The following EVC2 variants were observed in gnomAD, a reference collection of about 807,000 sequenced individuals.
EVC2 encodes the protein EvC ciliary complex subunit 2, also known as limbin.
A neutral mutation model predicts 149.3 loss-of-function variants in EVC2; 148 were observed. The observed-to-expected ratio is 0.99, with a 90% CI of 0.87 to 1.14. EVC2 has a LOEUF of 1.14. EVC2 is among the 50% of genes most tolerant of loss of function. The pLI, the probability that EVC2 is intolerant of heterozygous loss-of-function variation, is 0.00. For missense variants in EVC2, 1,854 were observed against 1,627.3 expected (o/e 1.14, Z -2.40); for synonymous variants, 776 against 649.9 (o/e 1.19, Z -2.95).
intron 21 of EVC2, among the ~76,000 whole-genome samples, chr4:5,564,776 G>C (rs1043764968): frequency 2.0e-5 from 3 of 152,204 alleles, no homozygotes; most frequent in African/African-American, 7.2e-5. Flanking sequence ...AGGCATTGGG[G>C]TGAAGGTAAA....
the EVC2 span, among the ~76,000 whole-genome samples, chr4:5,535,285 C>T: frequency 6.6e-6 from 1 of 152,138 alleles, no homozygotes; most frequent in African/African-American, 2.4e-5. This position sits in a 1 kb window ranked among gnomAD's most constrained non-coding sequence, Gnocchi z 4.7. Flanking sequence ...CTGCCGTAAT[C>T]CACACCAGAA....
downstream of EVC2, among the ~76,000 whole-genome samples, chr4:5,558,053 T>A (rs1721870303): frequency 6.6e-6 from 1 of 152,176 alleles, no homozygotes; most frequent in African/African-American, 2.4e-5. Flanking sequence ...ATTTTTCAGA[T>A]ATTGACAAAC....
Position 5,694,399 on chromosome 4 carries a change from G to C in EVC2, c.386C>G (p.Ala129Gly). The change falls in exon 3 of 22, where the codon GCT becomes GGT. Residue 129 changes from alanine (A) to glycine (G), a missense_variant. Transcript: ENST00000344408. ...CTTCTTAGGCCAGGAGGGTATAAAAGCAAATAAGGAATGAGCCCATGGCCC... is the reference window on the plus strand; with the variant it reads ...CTTCTTAGGCCAGGAGGGTATAAAACCAAATAAGGAATGAGCCCATGGCCC... Reference protein sequence around the residue: ...SSGPWAHSLFAFIPSWPKKNL... With the variant: ...SSGPWAHSLFGFIPSWPKKNL... 6.2e-7 allele frequency: 1 copy of C among 1,614,140 alleles called. No individual in the cohort carries two copies. Among genetic ancestry groups the C allele is most frequent in the African/African-American group, 1.3e-5 (1 of 75,046 alleles).
intron 1 of EVC2, among the ~76,000 whole-genome samples, chr4:5,699,625 G>C (rs1721697002): frequency 6.8e-6 from 1 of 146,738 alleles, no homozygotes; most frequent in Non-Finnish European, 1.5e-5. Context: ...GGACAACATA[G>C]GGAGACTCCA....
intron 21 of EVC2, among the ~76,000 whole-genome samples, chr4:5,555,032 G>T (rs1201516912): frequency 6.7e-6 from 1 of 149,318 alleles, no homozygotes; most frequent in Non-Finnish European, 1.5e-5. Flanking sequence ...GTGTGTGTGT[G>T]TGTGTGTGTG....
chr4:5,628,054 G>A (rs998819428), intron 12 of EVC2, among the ~76,000 whole-genome samples: 1 of 152,092 alleles, frequency 6.6e-6, no homozygotes, highest in East Asian at 1.9e-4. Context: ...TTAAAATTCT[G>A]TAACACAAAG....
At chr4:5,623,347 A>T (rs999579898) in intron 13 of EVC2, among the ~76,000 whole-genome samples, 4 of 143,476 alleles carry the variant, frequency 2.8e-5, no homozygotes, top group African/African-American at 8.0e-5. Context: ...TATTTTTTTT[A>T]TTTTTTTTTT....
intron 7 of EVC2, among the ~76,000 whole-genome samples, chr4:5,667,682 G>T (rs527607029): frequency 6.6e-6 from 1 of 152,204 alleles, no homozygotes; most frequent in Non-Finnish European, 1.5e-5. Context: ...AGTCACAAAA[G>T]ATGTGCTTAA....
At chr4:5,563,295 C>T (rs1363855590) in intron 21 of EVC2, among the ~76,000 whole-genome samples, 180 bp from the exon 22 acceptor site, 2 of 152,174 alleles carry the variant, frequency 1.3e-5, no homozygotes, top group Non-Finnish European at 2.9e-5. Flanking sequence ...AAGCCTGTAA[C>T]AGTGGTGTGC....
In EVC2 at chr4:5,681,013, T is replaced by A. The variant is rs6836026; in HGVS notation, c.870+247A>T. Reference sequence around the variant, plus strand: ...TGACTGGACAGTAGCACAGACGGGCTGTGGAGCCTCAGCCTGTCCAGCCCA... The same window carrying A: ...TGACTGGACAGTAGCACAGACGGGCAGTGGAGCCTCAGCCTGTCCAGCCCA... On this transcript the variant is annotated intron_variant, in intron 7 of 21. Coordinates refer to ENST00000344408, the MANE Select transcript of EVC2 (RefSeq NM_147127.5). Among the ~76,000 whole-genome samples the A allele has an allele frequency of 0.37, 56,907 of 152,074 alleles. 11,397 individuals are homozygous for A. The highest frequency in any genetic ancestry group is 0.54 in the East Asian group (2,776 of 5,138).
intron 14 of EVC2, among the ~76,000 whole-genome samples, chr4:5,619,719 T>G (rs1420372879): frequency 2.0e-5 from 3 of 152,188 alleles, no homozygotes; most frequent in Non-Finnish European, 4.4e-5. Context: ...CCTCTTCCTT[T>G]CCAGCAAGGC....
chr4:5,650,630 TATATATATAGAGAGAG>T (rs1487122684), intron 9 of EVC2, among the ~76,000 whole-genome samples: 140 of 67,902 alleles, frequency 2.1e-3, no homozygotes, highest in African/African-American at 6.6e-3. Context: ...TATATATATA[TATATATATAGAGAGAG>T]AGAGAGAGAG....
At chr4:5,593,602 A>C (rs188954310) in intron 16 of EVC2, among the ~76,000 whole-genome samples, 53 of 152,328 alleles carry the variant, frequency 3.5e-4, no homozygotes, top group African/African-American at 1.1e-3. Context: ...AAGATGGCCG[A>C]ATAGGAACAG....
At chr4:5,667,094 G>A (rs923229829) in intron 7 of EVC2, among the ~76,000 whole-genome samples, 7 of 151,992 alleles carry the variant, frequency 4.6e-5, no homozygotes, top group African/African-American at 1.7e-4. Context: ...TTTTAAAGAA[G>A]ATATTTGAAT....
intron 16 of EVC2, among the ~76,000 whole-genome samples, chr4:5,606,481 A>C (rs1295351796): frequency 6.6e-6 from 1 of 152,212 alleles, no homozygotes; most frequent in Non-Finnish European, 1.5e-5. Context: ...AAGCCAACAG[A>C]GCTTAAAAGC....
At chr4:5,627,853 T>C (rs1396611157) in intron 12 of EVC2, among the ~76,000 whole-genome samples, 2 of 152,038 alleles carry the variant, frequency 1.3e-5, no homozygotes, top group Non-Finnish European at 2.9e-5. Flanking sequence ...TAAAGAGAAG[T>C]GGGCTCTTCC....
rs181930784 is a variant in EVC2 at position 5,596,312 on chromosome 4, G to C, written c.2830-11462C>G. On this transcript the variant is annotated intron_variant, in intron 16 of 21. Coordinates refer to ENST00000344408, the MANE Select transcript of EVC2 (RefSeq NM_147127.5). ...CACCTGTTCCAAAATTGACCACATAGTTGGAAGTAAAGCTCTCCTCAGCAA... is the reference window on the plus strand; with the variant it reads ...CACCTGTTCCAAAATTGACCACATACTTGGAAGTAAAGCTCTCCTCAGCAA... Among the ~76,000 whole-genome samples, 517 of 152,228 alleles carry C rather than the reference G, an allele frequency of 3.4e-3. 1 individual carries two copies. The highest frequency in any genetic ancestry group is 8.9e-3 in the African/African-American group (368 of 41,542).
intron 21 of EVC2, among the ~76,000 whole-genome samples, chr4:5,551,635 T>G (rs6839757): frequency 0.98 from 148,569 of 152,176 alleles, 72,586 homozygotes; most frequent in East Asian, 1. Flanking sequence ...TTGGGGGACT[T>G]TTGGGAAGGC....
At chr4:5,570,636 C>A (rs1722586566) in intron 19 of EVC2, among the ~76,000 whole-genome samples, 1 of 152,314 alleles carries the variant, frequency 6.6e-6, no homozygotes, top group East Asian at 1.9e-4. Flanking sequence ...CCAGCAGTCC[C>A]ACTGCTGGGT....
Sources: allele counts gnomAD v4.1 joint callset (sites outside exome capture counted in the v4.1 genomes callset), GRCh38; gene constraint gnomAD v4.1.1; non-coding constraint Gnocchi (gnomAD v3.1); transcripts MANE v1.5; gene names NCBI Gene and HGNC (gene_info 2026-07-23, HGNC 2026-07-21).